TRIM9: variants seen among roughly 807,000 people sequenced by gnomAD.
The protein encoded by TRIM9 is E3 ubiquitin-protein ligase TRIM9.
Under a neutral mutation model 78.3 loss-of-function variants are expected in TRIM9, and 26 were observed. That is an observed-to-expected ratio of 0.33 (90% CI 0.24 to 0.46). TRIM9 has a LOEUF of 0.46. TRIM9 is among the 20% of genes least tolerant of loss of function. TRIM9 has a pLI of 1.00. For synonymous variants in TRIM9, 398 were observed against 416.5 expected (o/e 0.96, Z 0.54); for missense variants, 787 against 1,036.4 (o/e 0.76, Z 3.30).
intron 5 of TRIM9, among the ~76,000 whole-genome samples, chr14:51,002,122 T>G (rs1416997451): frequency 6.6e-6 from 1 of 152,048 alleles, no homozygotes; most frequent in East Asian, 1.9e-4. Context: ...TGTGTGTGTG[T>G]GTGTTTTTCT....
At chr14:51,025,053 C>A (rs2058089965) in intron 2 of TRIM9, among the ~76,000 whole-genome samples, 1 of 152,126 alleles carries the variant, frequency 6.6e-6, no homozygotes, top group Admixed American at 6.5e-5. Context: ...GAAAATCAGG[C>A]TGTGTTTCCG....
chr14:51,094,786 C>A lies in TRIM9; in HGVS notation c.154G>T (p.Ala52Ser). Residue 52 changes from alanine (A) to serine (S), a missense_variant, in exon 1 of 13, where the codon GCC (alanine) becomes TCC (serine). Transcript: ENST00000684578. ...TAGTCGGAGACCCCGGAGCCCGCGG[C>A]CCGATGGCTCTGGGGGGATTCAGAC... is the stretch of plus-strand genomic sequence containing the variant. ...PESESPQSHR[A>S]AGSGVSDYDY... is the part of the protein sequence containing the mutation. The A allele has an allele frequency of 6.5e-7, 1 of 1,529,744 alleles. No individual in the cohort carries two copies. Among genetic ancestry groups the A allele is most frequent in the Non-Finnish European group, 8.8e-7 (1 of 1,141,726 alleles). The allele number at this position is 1,529,744 out of a possible 1,614,324, so 94.8% of individuals were successfully genotyped here.
At chr14:50,981,774 G>C (rs745638058) in intron 11 of TRIM9, 26 bp downstream of exon 11, 102 of 1,612,300 alleles carry the variant, frequency 6.3e-5, no homozygotes, top group South Asian at 1.5e-4. Flanking sequence ...ACGTGAAGAA[G>C]GCTTGGTTTG....
rs2139481816 is a variant in TRIM9, at chr14:50,998,067, A to G, written c.1586T>C (p.Val529Ala). The change falls in exon 7 of 13, where the codon GTC (valine) becomes GCC (alanine). Residue 529 changes from valine to alanine, a missense_variant. By Grantham distance (64) the Val-to-Ala change is moderately conservative. Around this residue, in one of 3 missense-constraint regions of TRIM9, gnomAD observed 421 missense variants for 514.3 expected, o/e 0.82. Coordinates refer to ENST00000684578, the MANE Select transcript of TRIM9 (RefSeq NM_001387360.1). Reference sequence around the variant, plus strand: ...GGCCTTACCCTCAGACGTTTGGAGGACCAGGGTCTTGCTGTACGGGCTGAC... The same window carrying G: ...GGCCTTACCCTCAGACGTTTGGAGGGCCAGGGTCTTGCTGTACGGGCTGAC... ...TGVSPYSKTL[V>A]LQTSEDTDSE... is the part of the protein sequence containing the mutation. 6.2e-7 allele frequency: 1 copy of G among 1,614,178 alleles called. No homozygotes were observed. The highest frequency in any genetic ancestry group is 1.7e-5 in the Admixed American group (1 of 60,028).
intron 11 of TRIM9, among the ~76,000 whole-genome samples, chr14:50,981,049 A>G (rs943125466): frequency 6.6e-6 from 1 of 152,006 alleles, no homozygotes; most frequent in Non-Finnish European, 1.5e-5. Context: ...AAGGTGGACC[A>G]GGGTCCACAG....
chr14:50,996,445 T>C (rs2054216286), intron 7 of TRIM9: 1 of 985,344 alleles, frequency 1.0e-6, no homozygotes. Context: ...GTTATGCTAA[T>C]AACTGATTTT....
chr14:51,026,029 TGGCA>T (rs968055052), intron 1 of TRIM9, among the ~76,000 whole-genome samples: 19 of 152,310 alleles, frequency 1.2e-4, no homozygotes, highest in African/African-American at 4.6e-4. Flanking sequence ...TCTGCTGGGT[TGGCA>T]AGGTGTCCAG....
chr14:51,013,480 T>C (rs951208305), intron 3 of TRIM9, among the ~76,000 whole-genome samples: 8 of 152,220 alleles, frequency 5.3e-5, no homozygotes, highest in Non-Finnish European at 8.8e-5. Flanking sequence ...AAATTTGTCC[T>C]TCTTTTTCAA....
intron 1 of TRIM9, among the ~76,000 whole-genome samples, chr14:51,058,099 A>C (rs1358481905): frequency 6.6e-6 from 1 of 152,232 alleles, no homozygotes; most frequent in Non-Finnish European, 1.5e-5. Flanking sequence ...ATCAGTAAAG[A>C]GACTGAAAAA....
chr14:51,077,858 C>G (rs935854123), intron 1 of TRIM9, among the ~76,000 whole-genome samples: 6 of 152,218 alleles, frequency 3.9e-5, no homozygotes, highest in African/African-American at 1.4e-4. Flanking sequence ...CAGTTTTTCT[C>G]AGAGGCATCA....
At position 51,036,742 on chromosome 14, in the gene TRIM9, G is replaced by T. The variant is rs757003694; in HGVS notation, c.823-11382C>A. Among the ~76,000 whole-genome samples the T allele has an allele frequency of 6.8e-4, 104 of 152,150 alleles. 2 individuals carry two copies. Among genetic ancestry groups the T allele is most frequent in the Non-Finnish European group, 1.3e-4 (9 of 68,034 alleles). Reference sequence around the variant, plus strand: ...TACGCAGAACCCATGCATACAGAGGGCTGACTGTATATCCTCTCTCTCACT... The same window carrying T: ...TACGCAGAACCCATGCATACAGAGGTCTGACTGTATATCCTCTCTCTCACT... On this transcript the variant is annotated intron_variant, in intron 1 of 12. Transcript: ENST00000684578.
chr14:51,016,240 G>A (rs1040314890), intron 3 of TRIM9, among the ~76,000 whole-genome samples: 4 of 152,154 alleles, frequency 2.6e-5, no homozygotes, highest in Admixed American at 1.3e-4. Flanking sequence ...CTCAACCCCC[G>A]GGCCGTGGAC....
chr14:50,998,279 C>T, intron 6 of TRIM9, 91 bp from the exon 7 acceptor site: 2 of 1,229,814 alleles, frequency 1.6e-6, no homozygotes, highest in South Asian at 2.8e-5. Flanking sequence ...GGAGCAAGAG[C>T]CCTGGTGTCA....
chr14:51,051,996 A>C (rs1596272387), intron 1 of TRIM9, among the ~76,000 whole-genome samples: 3 of 144,274 alleles, frequency 2.1e-5, no homozygotes, highest in African/African-American at 2.5e-5. Flanking sequence ...AGGGAAGGGA[A>C]CGGAAAGGAA....
At chr14:51,084,319 A>G (rs1007260727) in intron 1 of TRIM9, among the ~76,000 whole-genome samples, 29 of 152,314 alleles carry the variant, frequency 1.9e-4, no homozygotes, top group African/African-American at 6.7e-4. Flanking sequence ...CCTACATTCC[A>G]TATTTCTTGA....
rs527881994 is a variant in TRIM9, at chr14:51,090,956, T to C, written c.822+3162A>G. 3 of 152,330 alleles carry C rather than the reference T, an allele frequency of 2.0e-5. No individual in the cohort carries two copies. The South Asian group carries it at 6.2e-4, about 32-fold the overall frequency. The allele number at this position is 152,330 out of a possible 1,614,324, so 9.4% of individuals were successfully genotyped here. On this transcript the variant is annotated intron_variant, in intron 1 of 12. Coordinates refer to ENST00000684578, the MANE Select transcript of TRIM9 (RefSeq NM_001387360.1). ...AGGATAATATCAGGATTTAGGAATG[T>C]GAACTGCTTAAAATCACAAAGTAAT...
At position 50,997,772 on chromosome 14, in the gene TRIM9, T is replaced by A. The variant is rs925364156; in HGVS notation, c.1603+278A>T. ...ACCAGGGGCACATTCAGGCCTTCAT[T>A]TTTCAGCTTCTTCAACTGCAGCTTA... On this transcript the variant is annotated intron_variant, in intron 7 of 12. Transcript: ENST00000684578. 2.2e-6 allele frequency: 3 copies of A among 1,354,994 alleles called. No homozygotes were observed. In the African/African-American group the frequency reaches 4.4e-5, roughly 20 times the overall value. The allele number at this position is 1,354,994 out of a possible 1,614,324, so 83.9% of individuals were successfully genotyped here. A position where few individuals can be genotyped will look rare whatever the true frequency, so the allele number is the denominator to read the frequency against.
At chr14:51,053,254 A>C (rs2060580944) in intron 1 of TRIM9, among the ~76,000 whole-genome samples, 2 of 152,136 alleles carry the variant, frequency 1.3e-5, no homozygotes, top group South Asian at 4.1e-4. Flanking sequence ...AATGTCTTAC[A>C]CAGAGCACTT....
At chr14:51,025,184 A>G (rs1292716172) in intron 2 of TRIM9, 81 bp downstream of exon 2, 36 of 1,260,140 alleles carry the variant, frequency 2.9e-5, no homozygotes, top group Admixed American at 6.0e-5. Flanking sequence ...ACATAAAAAT[A>G]AAAGAGGAGA....
Sources: allele counts gnomAD v4.1 joint callset (sites outside exome capture counted in the v4.1 genomes callset), GRCh38; gene constraint gnomAD v4.1.1; regional missense constraint gnomAD v4.1.1; transcripts MANE v1.5; gene names NCBI Gene and HGNC (gene_info 2026-07-23, HGNC 2026-07-21).